HMCN1: variants seen among roughly 807,000 people sequenced by gnomAD.
The protein encoded by HMCN1 is hemicentin-1.
A neutral mutation model predicts 625.9 loss-of-function variants in HMCN1; 321 were observed. The observed-to-expected ratio is 0.51, with a 90% CI of 0.47 to 0.56. The LOEUF (loss-of-function observed/expected upper bound fraction) is 0.56, where lower values mean the gene tolerates loss of function less well. Among genes scored for constraint, HMCN1 ranks in the 20% least tolerant of loss-of-function variants. The pLI is 0.00. For synonymous variants in HMCN1, 2,425 were observed against 2,417.6 expected, an observed-to-expected ratio of 1.00 and a Z score of -0.09; for missense variants, 6,588 against 6,887.3, an observed-to-expected ratio of 0.96 and a Z score of 1.54.
intron 70 of HMCN1, among the ~76,000 whole-genome samples, chr1:186,107,648 G>A (rs567592771): frequency 6.6e-6 from 1 of 151,900 alleles, no homozygotes; most frequent in East Asian, 1.9e-4. Flanking sequence ...TGGAGGTTTA[G>A]GCTATTTCTA....
rs201246528 is a variant in HMCN1, at chr1:186,070,764, C to A, written c.8139+7C>A. 62 of 1,613,512 alleles carry A rather than the reference C, an allele frequency of 3.8e-5. No homozygotes were observed. The East Asian group carries it at 6.7e-4, about 17-fold the overall frequency. ...CTGGTACAAGGATGGACAGGCCAGT[C>A]ACAACTTTTTTCATTTGCTGATGAT... is the stretch of plus-strand genomic sequence containing the variant. On this transcript the variant is annotated splice_region_variant and intron_variant, in intron 52 of 106. Transcript: ENST00000271588.
intron 6 of HMCN1, among the ~76,000 whole-genome samples, chr1:185,919,955 C>T (rs989893555): frequency 2.0e-5 from 3 of 152,072 alleles, no homozygotes; most frequent in Non-Finnish European, 4.4e-5. Context: ...GTGGGTTATA[C>T]CCTCATACAC....
chr1:185,775,441 G>C (rs1056078515), intron 1 of HMCN1, among the ~76,000 whole-genome samples: 1 of 152,096 alleles, frequency 6.6e-6, no homozygotes, highest in Non-Finnish European at 1.5e-5. Flanking sequence ...GAATGAGTGA[G>C]TCTCTTCAAT....
At chr1:186,051,827 G>A (rs149920423) in intron 42 of HMCN1, among the ~76,000 whole-genome samples, 81 of 152,158 alleles carry the variant, frequency 5.3e-4, no homozygotes, top group African/African-American at 1.8e-3. Flanking sequence ...TTGAGATTCA[G>A]TTAAGTCAAT....
At chr1:185,978,576 G>T (rs915211122) in intron 16 of HMCN1, among the ~76,000 whole-genome samples, 4 of 152,126 alleles carry the variant, frequency 2.6e-5, no homozygotes, top group African/African-American at 9.7e-5. Flanking sequence ...AGGAGGAAAA[G>T]CATTTAGATA....
At chr1:186,032,332 G>A (rs114698408) in intron 36 of HMCN1, among the ~76,000 whole-genome samples, 3,051 of 152,108 alleles carry the variant, frequency 0.02, 55 homozygotes, top group Admixed American at 0.025. Flanking sequence ...TTCATCATCA[G>A]GGAAAAGCAA....
rs372840931 is a variant in HMCN1 at position 186,094,383 on chromosome 1, A to C, written c.10294+10A>C. 2.5e-6 allele frequency: 4 copies of C among 1,589,972 alleles called. No individual in the cohort carries two copies. The African/African-American group carries it at 5.4e-5, about 21-fold the overall frequency. ...AATCTTCAAGTGTTTGGTATGTGTC[A>C]CAGAAATGACCCTATTACTTTGCTA... On this transcript the variant is annotated intron_variant, in intron 67 of 106. Transcript: ENST00000271588.
intron 25 of HMCN1, among the ~76,000 whole-genome samples, chr1:185,997,733 G>A (rs1285124460): frequency 1.3e-5 from 2 of 151,152 alleles, no homozygotes; most frequent in African/African-American, 4.9e-5. Context: ...TCAATGTAAA[G>A]ACTTTCCATT....
chr1:186,133,904 T>C (rs1353091548), intron 86 of HMCN1, among the ~76,000 whole-genome samples: 1 of 152,010 alleles, frequency 6.6e-6, no homozygotes. Context: ...CCAAATTTCT[T>C]TACTGCAGAT....
chr1:185,784,016 A>G (rs1571346341), intron 1 of HMCN1, among the ~76,000 whole-genome samples: 1 of 152,144 alleles, frequency 6.6e-6, no homozygotes, highest in African/African-American at 2.4e-5. Context: ...TCGAGCTTCC[A>G]GTCTGCTTTG....
intron 29 of HMCN1, among the ~76,000 whole-genome samples, chr1:186,006,030 G>T (rs889692907): frequency 4.0e-5 from 6 of 151,818 alleles, no homozygotes; most frequent in African/African-American, 1.5e-4. Context: ...CAGCTACTTG[G>T]GAGGCCGAGG....
chr1:186,174,084 A>T (rs1423741020), intron 102 of HMCN1, among the ~76,000 whole-genome samples: 2 of 152,214 alleles, frequency 1.3e-5, no homozygotes, highest in Non-Finnish European at 2.9e-5. Context: ...AGGTTAAGGC[A>T]TTGAGGGTGT....
Position 186,153,665 on chromosome 1 carries a change from G to A in HMCN1, c.15019-85G>A, listed in dbSNP as rs906286016. On this transcript the variant is annotated intron_variant, in intron 96 of 106. Coordinates refer to ENST00000271588, the MANE Select transcript of HMCN1 (RefSeq NM_031935.3). ...TTTTAGCTCCTAATCCTTTTTCCCC[G>A]CTCATTCTGCATTTCATAGTCCCCT... 77 of 1,062,044 alleles carry A rather than the reference G, an allele frequency of 7.3e-5. 1 individual carries two copies. The highest frequency in any genetic ancestry group is 4.0e-4 in the Middle Eastern group (2 of 5,036). The allele number at this position is 1,062,044 out of a possible 1,614,324, so 65.8% of individuals were successfully genotyped here.
chr1:186,069,256 G>A (rs959979121), intron 50 of HMCN1, among the ~76,000 whole-genome samples: 3 of 152,184 alleles, frequency 2.0e-5, no homozygotes, highest in African/African-American at 4.8e-5. Context: ...AACGATTGAA[G>A]ATATTTAAGA....
At chr1:186,048,722 A>G (rs763117225) in intron 41 of HMCN1, 21 bp from the exon 42 acceptor site, 16 of 1,445,610 alleles carry the variant, frequency 1.1e-5, no homozygotes, top group Non-Finnish European at 1.6e-5. Context: ...GTGTGATTTC[A>G]AAGGATGATT....
chr1:185,753,366 G>A (rs1654938459), intron 1 of HMCN1, among the ~76,000 whole-genome samples: 1 of 151,958 alleles, frequency 6.6e-6, no homozygotes, highest in Non-Finnish European at 1.5e-5. Context: ...TTTTTCTTAT[G>A]ATTAGTCTAG....
At chr1:186,070,314 T>C (rs1257164320) in intron 51 of HMCN1, among the ~76,000 whole-genome samples, 1 of 152,236 alleles carries the variant, frequency 6.6e-6, no homozygotes, top group Non-Finnish European at 1.5e-5. Context: ...AGATACATTT[T>C]AAGGATCATG....
chr1:185,862,557 A>G (rs1662939727), intron 2 of HMCN1, among the ~76,000 whole-genome samples: 1 of 152,210 alleles, frequency 6.6e-6, no homozygotes, highest in Non-Finnish European at 1.5e-5. Context: ...AGAGGCATAT[A>G]GAACACCCAG....
At chr1:185,794,972 A>G (rs1332231756) in intron 1 of HMCN1, among the ~76,000 whole-genome samples, 1 of 152,176 alleles carries the variant, frequency 6.6e-6, no homozygotes, top group Non-Finnish European at 1.5e-5. Flanking sequence ...CAGTTCTGGA[A>G]TGGTTTACTT....
Sources: allele counts gnomAD v4.1 joint callset (sites outside exome capture counted in the v4.1 genomes callset), GRCh38; gene constraint gnomAD v4.1.1; transcripts MANE v1.5; gene names NCBI Gene and HGNC (gene_info 2026-07-23, HGNC 2026-07-21).